The following SDK1 variants were observed in gnomAD, a reference collection of about 807,000 sequenced individuals.
The protein encoded by SDK1 is sidekick cell adhesion molecule 1, also known as protein sidekick-1.
Under a neutral mutation model 245.5 loss-of-function variants are expected in SDK1, and 157 were observed. That is an observed-to-expected ratio of 0.64 (90% confidence interval 0.56 to 0.73). The LOEUF is 0.73. Ranked by LOEUF, SDK1 falls within the 30% of genes least tolerant of loss-of-function variation. The pLI is 0.00. For synonymous variants in SDK1, 1,647 were observed against 1,278.5 expected (o/e 1.29, Z -6.15); for missense variants, 3,583 against 3,002.3 (o/e 1.19, Z -4.52).
chr7:3,478,612 C>G lies in SDK1; in HGVS notation c.299-140468C>G, dbSNP rs112005807. Among the ~76,000 whole-genome samples the G allele has an allele frequency of 8.4e-3, 1,278 of 151,546 alleles. 24 individuals are homozygous for G. Among genetic ancestry groups the G allele is most frequent in the African/African-American group, 0.029 (1,200 of 41,024 alleles). ...GTGGGCCTTTTTCTTTGTTCTTGATCAATGTTGCTGGAGGTTTATTGATTT... is the reference window on the plus strand; with the variant it reads ...GTGGGCCTTTTTCTTTGTTCTTGATGAATGTTGCTGGAGGTTTATTGATTT... On this transcript the variant is annotated intron_variant, in intron 1 of 44. Transcript: ENST00000404826.
chr7:4,021,248 A>G (rs569004978), intron 17 of SDK1, among the ~76,000 whole-genome samples: 3 of 152,216 alleles, frequency 2.0e-5, no homozygotes, highest in African/African-American at 7.2e-5. Flanking sequence ...AATCAGCCTC[A>G]CTCATGCACG....
chr7:3,641,931 C>A, intron 3 of SDK1, 27 bp from the exon 4 acceptor site: 1 of 1,600,050 alleles, frequency 6.2e-7, no homozygotes, highest in South Asian at 1.1e-5. Context: ...TTTTCTAGAA[C>A]TTGAAAGCAC....
intron 1 of SDK1, among the ~76,000 whole-genome samples, chr7:3,329,476 G>C (rs892867970): frequency 2.0e-5 from 3 of 152,298 alleles, no homozygotes; most frequent in Non-Finnish European, 2.9e-5. Flanking sequence ...GTCAATTTCA[G>C]AGTATTTTCT....
At chr7:4,085,296 T>G (rs1240915407) in intron 22 of SDK1, among the ~76,000 whole-genome samples, 2 of 152,178 alleles carry the variant, frequency 1.3e-5, no homozygotes, top group African/African-American at 4.8e-5. Flanking sequence ...TGAATGAAAT[T>G]TAAGTATTTG....
chr7:3,890,914 A>G (rs1434160635), intron 5 of SDK1, among the ~76,000 whole-genome samples: 1 of 152,174 alleles, frequency 6.6e-6, no homozygotes, highest in East Asian at 1.9e-4. Flanking sequence ...CCTGGGTGAT[A>G]TAGCTAGAAT....
intron 28 of SDK1, among the ~76,000 whole-genome samples, chr7:4,143,367 C>T (rs1332941796): frequency 6.6e-6 from 1 of 152,098 alleles, no homozygotes; most frequent in African/African-American, 2.4e-5. Flanking sequence ...GTCGTGACTG[C>T]AATTGTTTTA....
chr7:4,060,144 G>A (rs971983440), intron 19 of SDK1, among the ~76,000 whole-genome samples: 12 of 152,266 alleles, frequency 7.9e-5, no homozygotes, highest in Non-Finnish European at 1.2e-4. Flanking sequence ...GCCTTCCAAA[G>A]TGCTGGGATT....
intron 18 of SDK1, among the ~76,000 whole-genome samples, chr7:4,051,147 AAT>A (rs1454401656): frequency 7.1e-6 from 1 of 140,032 alleles, no homozygotes; most frequent in Non-Finnish European, 1.5e-5. Flanking sequence ...ATATATGTAT[AAT>A]ATATACATAT....
chr7:4,205,848 T>C (rs368015888), intron 35 of SDK1, 31 bp from the exon 36 acceptor site: 194 of 1,523,762 alleles, frequency 1.3e-4, no homozygotes, highest in Non-Finnish European at 1.6e-4. Flanking sequence ...AATGAACGTC[T>C]CAGCTTCTCT....
At chr7:4,258,921 G>T (rs952306418) in intron 44 of SDK1, among the ~76,000 whole-genome samples, 1 of 152,212 alleles carries the variant, frequency 6.6e-6, no homozygotes, top group African/African-American at 2.4e-5. Flanking sequence ...CGTGAGAAAA[G>T]TGATTCCTTC....
intron 4 of SDK1, among the ~76,000 whole-genome samples, chr7:3,674,307 G>A (rs189498462): frequency 6.6e-6 from 1 of 152,104 alleles, no homozygotes; most frequent in Non-Finnish European, 1.5e-5. Context: ...TAGTGAGCAT[G>A]GTAATGAGAA....
intron 25 of SDK1, 43 bp from the exon 26 acceptor site, chr7:4,127,338 C>T (rs767622915): frequency 2.1e-6 from 3 of 1,415,358 alleles, no homozygotes; most frequent in Non-Finnish European, 3.0e-6. Context: ...TATGTAGACA[C>T]TCTAGATTTT....
chr7:4,102,778 G>A (rs1782639597), intron 22 of SDK1, among the ~76,000 whole-genome samples: 1 of 152,120 alleles, frequency 6.6e-6, no homozygotes, highest in Non-Finnish European at 1.5e-5. Flanking sequence ...GCCAGACCTG[G>A]GAGTGGGCAA....
chr7:4,084,055 G>T (rs895350096), intron 22 of SDK1, among the ~76,000 whole-genome samples: 1 of 152,158 alleles, frequency 6.6e-6, no homozygotes, highest in African/African-American at 2.4e-5. Flanking sequence ...GGATATTCAA[G>T]ATGATAATTT....
chr7:3,769,427 A>G (rs73032371), intron 4 of SDK1, among the ~76,000 whole-genome samples: 13 of 152,212 alleles, frequency 8.5e-5, no homozygotes, highest in Non-Finnish European at 1.3e-4. Context: ...TCCCACTCCT[A>G]TGATAACCCT....
intron 38 of SDK1, among the ~76,000 whole-genome samples, chr7:4,216,345 C>T (rs979432954): frequency 2.0e-4 from 30 of 152,188 alleles, no homozygotes; most frequent in African/African-American, 6.8e-4. Context: ...AGACTGGCCC[C>T]GCCCCACGGC....
intron 4 of SDK1, among the ~76,000 whole-genome samples, chr7:3,740,169 C>T (rs1297290469): frequency 6.6e-6 from 1 of 152,084 alleles, no homozygotes; most frequent in Non-Finnish European, 1.5e-5. Flanking sequence ...TTGCTTAGAG[C>T]CAGAGGTCAG....
chr7:4,258,232 T>C (rs1787746317), intron 44 of SDK1, among the ~76,000 whole-genome samples: 1 of 152,206 alleles, frequency 6.6e-6, no homozygotes. Flanking sequence ...GTTCTGGACA[T>C]GCTCTTGGAA....
At chr7:3,714,886 C>A (rs1434261815) in intron 4 of SDK1, among the ~76,000 whole-genome samples, 1 of 152,070 alleles carries the variant, frequency 6.6e-6, no homozygotes, top group Non-Finnish European at 1.5e-5. Flanking sequence ...ATAAATGACA[C>A]CAATTTTTAG....
Sources: gnomAD v4.1 joint callset for allele counts (sites outside exome capture counted in the v4.1 genomes callset) on GRCh38, gnomAD v4.1.1 for gene constraint, MANE v1.5 for transcripts, NCBI Gene and HGNC (gene_info 2026-07-23, HGNC 2026-07-21) for gene names.